The following RUNDC3A variants were observed in gnomAD, a reference collection of about 807,000 sequenced individuals.
RUNDC3A encodes the protein RUN domain containing 3A, also known as RUN domain-containing protein 3A.
RUNDC3A carries 28 observed loss-of-function variants against 53.9 expected under a neutral mutation model. The ratio of observed to expected loss-of-function variants is 0.52; its 90% CI spans 0.38 to 0.71. RUNDC3A has a LOEUF of 0.71. Among genes scored for constraint, RUNDC3A ranks in the 30% least tolerant of loss-of-function variants. RUNDC3A has a pLI of 0.00. For missense variants in RUNDC3A, 491 were observed against 597.3 expected (o/e 0.82, Z 1.85); for synonymous variants, 232 against 249.4 (o/e 0.93, Z 0.66).
chr17:44,313,631 T>C (rs1049152876), intron 4 of RUNDC3A, 128 bp downstream of exon 4: 15 of 1,388,362 alleles, frequency 1.1e-5, no homozygotes, highest in Non-Finnish European at 1.4e-5. Flanking sequence ...CCAGCACACA[T>C]GGCTGATTTC....
intron 10 of RUNDC3A, chr17:44,317,182 G>A (rs2047883724): frequency 3.8e-6 from 2 of 527,192 alleles, no homozygotes; most frequent in Admixed American, 3.2e-5. Flanking sequence ...CACAGCAATC[G>A]AGAGCTTACT....
At chr17:44,314,189 G>A in intron 4 of RUNDC3A, 1 of 995,906 alleles carries the variant, frequency 1.0e-6, no homozygotes, top group Non-Finnish European at 1.2e-6. Flanking sequence ...CACGGACACA[G>A]AGTCCTTATA....
chr17:44,315,378 C>A lies in RUNDC3A; in HGVS notation c.795+58C>A, dbSNP rs939801854. On this transcript the variant is annotated intron_variant, in intron 7 of 10. Transcript: ENST00000426726. This position sits in a 1 kb window ranked among gnomAD's most constrained non-coding sequence, Gnocchi z 6.1. ...GGGCCGGGCGGGGGATCCGGGCATC[C>A]CGGGGCGGGGCGGGGATGGGGGCCG... 1.6e-6 allele frequency: 2 copies of A among 1,284,306 alleles called. No homozygotes were observed. Among genetic ancestry groups the A allele is most frequent in the Non-Finnish European group, 2.0e-6 (2 of 1,011,602 alleles). 79.6% of individuals were successfully genotyped at this position (1,284,306 alleles called of 1,614,324 possible).
intron 9 of RUNDC3A, 37 bp downstream of exon 9, chr17:44,316,559 G>A (rs748844830): frequency 1.9e-6 from 3 of 1,591,556 alleles, no homozygotes; most frequent in Non-Finnish European, 1.7e-6. Flanking sequence ...GCCTGAGAGC[G>A]GGTCGTCCTG....
At chr17:44,314,670 G>A in intron 4 of RUNDC3A, 65 bp from the exon 5 acceptor site, 1 of 887,482 alleles carries the variant, frequency 1.1e-6, no homozygotes, top group South Asian at 1.5e-5. Flanking sequence ...AACAATAGCA[G>A]CTCTGGGGGG....
rs558385573 is a variant in RUNDC3A, at chr17:44,311,446, A to G, written c.108-1134A>G. On this transcript the variant is annotated intron_variant, in intron 1 of 10. Coordinates refer to ENST00000426726, the MANE Select transcript of RUNDC3A (RefSeq NM_001144825.2). ...GATCAGTCAACCTCTTGGACCATCAATTTCTTTACCTGTAAAATGGGGATG... is the reference window on the plus strand; with the variant it reads ...GATCAGTCAACCTCTTGGACCATCAGTTTCTTTACCTGTAAAATGGGGATG... 38 of 682,334 alleles carry G rather than the reference A, an allele frequency of 5.6e-5. No homozygotes were observed. The African/African-American group carries it at 6.0e-4, about 11-fold the overall frequency. The allele number at this position is 682,334 out of a possible 1,614,324, so 42.3% of individuals were successfully genotyped here.
At position 44,308,636 on chromosome 17, in the gene RUNDC3A, G is replaced by T. The variant is rs921503368; in HGVS notation, c.-197G>T. The T allele has an allele frequency of 2.2e-6, 1 of 461,508 alleles. No homozygotes were observed. Among genetic ancestry groups the T allele is most frequent in the South Asian group, 4.1e-5 (1 of 24,440 alleles). 28.6% of individuals were successfully genotyped at this position (461,508 alleles called of 1,614,324 possible). ...AGCACCTCGGAGAGCTCCCTCCCCGGCCTTGTTTTGCTCTGGCATCGCCGC... is the reference window on the plus strand; with the variant it reads ...AGCACCTCGGAGAGCTCCCTCCCCGTCCTTGTTTTGCTCTGGCATCGCCGC... On this transcript the variant is annotated 5_prime_UTR_variant, in exon 1 of 11. Transcript: ENST00000426726.
rs528949390 is a variant in RUNDC3A at position 44,314,479 on chromosome 17, G to A, written c.459-256G>A. 7 of 1,393,942 alleles carry A rather than the reference G, an allele frequency of 5.0e-6. No homozygotes were observed. In the South Asian group the frequency reaches 8.3e-5, roughly 17 times the overall value. 86.3% of individuals were successfully genotyped at this position (1,393,942 alleles called of 1,614,324 possible). On this transcript the variant is annotated intron_variant, in intron 4 of 10. Coordinates refer to ENST00000426726, the MANE Select transcript of RUNDC3A (RefSeq NM_001144825.2). Reference sequence around the variant, plus strand: ...TTGCTTCCTGATATGAAGGATCTGGGTAACCCAGTACTTGATGAGGAAGGG... The same window carrying A: ...TTGCTTCCTGATATGAAGGATCTGGATAACCCAGTACTTGATGAGGAAGGG...
intron 4 of RUNDC3A, chr17:44,313,973 G>A: frequency 1.0e-6 from 1 of 991,828 alleles, no homozygotes; most frequent in Non-Finnish European, 1.2e-6. Context: ...CCTGGCCCCA[G>A]GACAAACTTT....
intron 1 of RUNDC3A, chr17:44,311,271 G>A: frequency 6.1e-6 from 6 of 985,510 alleles, no homozygotes; most frequent in Non-Finnish European, 7.2e-6. Context: ...GCAGAGTAGA[G>A]GACAAAGGGC....
chr17:44,317,202 C>T (rs892172654), intron 10 of RUNDC3A: 2 of 554,534 alleles, frequency 3.6e-6, no homozygotes, highest in African/African-American at 1.9e-5. Context: ...TTTGAGGTGG[C>T]AGAACACAGC....
chr17:44,308,791 T>TG lies in RUNDC3A; in HGVS notation c.-35dup, dbSNP rs748059251. On this transcript the variant is annotated 5_prime_UTR_variant, in exon 1 of 11. Transcript: ENST00000426726. ...GACGGGTTTGGGGCTCCGGGAGGGG[T>TG]GGGGGGGCAGCGGGCGGCGGCAGCA... The TG allele has an allele frequency of 4.3e-5, 43 of 996,992 alleles. No homozygotes were observed. The highest frequency in any genetic ancestry group is 9.6e-5 in the South Asian group (5 of 52,312). The allele number at this position is 996,992 out of a possible 1,614,324, so 61.8% of individuals were successfully genotyped here.
In RUNDC3A at chr17:44,312,702, C is replaced by G. The variant is rs541517454; in HGVS notation, c.223+7C>G. The G allele has an allele frequency of 1.9e-5, 28 of 1,474,608 alleles. 1 individual carries two copies. The South Asian group carries it at 2.5e-4, about 13-fold the overall frequency. 91.3% of individuals were successfully genotyped at this position (1,474,608 alleles called of 1,614,324 possible). A position where few individuals can be genotyped will look rare whatever the true frequency, so the allele number is the denominator to read the frequency against. On this transcript the variant is annotated splice_region_variant and intron_variant, in intron 2 of 10. Coordinates refer to ENST00000426726, the MANE Select transcript of RUNDC3A (RefSeq NM_001144825.2). ...CTCAGCCACCGCTTCAAAGGTGGGC[C>G]CAGCGCCCCTCCCCCAGCGGTCCCT...
At position 44,316,710 on chromosome 17, in the gene RUNDC3A, C is replaced by G. The variant is rs1377440602; in HGVS notation, c.1183C>G (p.Pro395Ala). The change falls in exon 10 of 11, where the codon CCC becomes GCC. Residue 395 changes from proline to alanine, a missense_variant. This residue lies in a region of RUNDC3A where 218 missense variants were observed against 208.2 expected (regional missense o/e 1.05). Coordinates refer to ENST00000426726, the MANE Select transcript of RUNDC3A (RefSeq NM_001144825.2). ...GGGAGAGGGCACGCGGGACGAGGAG[C>G]CCTGGGGTCCCATCGGTGAGCTCCC... ...RLGEGTRDEE[P>A]WGPIGKDPTP... The G allele has an allele frequency of 6.5e-7, 1 of 1,548,686 alleles. No individual in the cohort carries two copies. The highest frequency in any genetic ancestry group is 8.7e-7 in the Non-Finnish European group (1 of 1,146,576).
rs2047917121 is a variant in RUNDC3A, at chr17:44,318,341, G to A, written c.*103G>A. ...AATCCAGGCTACCCTTCCAGAGAACGCTACCCACCCAGCCAGGGTTCTCTC... is the reference window on the plus strand; with the variant it reads ...AATCCAGGCTACCCTTCCAGAGAACACTACCCACCCAGCCAGGGTTCTCTC... On this transcript the variant is annotated 3_prime_UTR_variant, in exon 11 of 11. Transcript: ENST00000426726. The A allele has an allele frequency of 1.0e-5, 13 of 1,260,856 alleles. No homozygotes were observed. The highest frequency in any genetic ancestry group is 2.1e-5 in the Admixed American group (1 of 47,322). 78.1% of individuals were successfully genotyped at this position (1,260,856 alleles called of 1,614,324 possible).
chr17:44,312,500 GGTTGCTCCC>G, intron 1 of RUNDC3A, 71 bp from the exon 2 acceptor site: 1 of 765,098 alleles, frequency 1.3e-6, no homozygotes, highest in Non-Finnish European at 2.2e-6. Context: ...CTTCTCTGCC[GGTTGCTCCC>G]TGTCTCTCCC....
At chr17:44,314,522 G>A in intron 4 of RUNDC3A, 1 of 1,422,400 alleles carries the variant, frequency 7.0e-7, no homozygotes, top group Non-Finnish European at 9.2e-7. Flanking sequence ...AGAGGGAGGA[G>A]TCGGCTCAGG....
chr17:44,309,665 G>A (rs1363248890), intron 1 of RUNDC3A, among the ~76,000 whole-genome samples: 1 of 152,068 alleles, frequency 6.6e-6, no homozygotes, highest in African/African-American at 2.4e-5. Context: ...CCAGGGCATG[G>A]CCAGCTGCTC....
At chr17:44,316,261 A>C (rs779792616) in intron 8 of RUNDC3A, 124 bp from the exon 9 acceptor site, 8 of 905,928 alleles carry the variant, frequency 8.8e-6, no homozygotes, top group Admixed American at 7.0e-5. Context: ...CACTGACCCC[A>C]ACACCGTATC....
Sources: allele counts gnomAD v4.1 joint callset (sites outside exome capture counted in the v4.1 genomes callset), GRCh38; gene constraint gnomAD v4.1.1; regional missense constraint gnomAD v4.1.1; non-coding constraint Gnocchi (gnomAD v3.1); transcripts MANE v1.5; gene names NCBI Gene and HGNC (gene_info 2026-07-23, HGNC 2026-07-21).